PPP6R3: variants seen among roughly 807,000 people sequenced by gnomAD.
PPP6R3 encodes the protein protein phosphatase 6 regulatory subunit 3.
In PPP6R3, 38 loss-of-function variants were observed where a neutral mutation model predicts 110.7. That is an observed-to-expected ratio of 0.34 (90% CI 0.26 to 0.45). PPP6R3 has a LOEUF of 0.45. PPP6R3 is among the 20% of genes least tolerant of loss of function. The probability of loss-of-function intolerance (pLI) is 1.00; values close to 1 mark genes in which losing one functional copy is unlikely to be tolerated. For missense variants in PPP6R3, 870 were observed against 1,062.4 expected (o/e 0.82, Z 2.52); for synonymous variants, 369 against 373.5 (o/e 0.99, Z 0.14).
At chr11:68,602,125 C>T (rs2099633764) in intron 21 of PPP6R3, among the ~76,000 whole-genome samples, 156 bp downstream of exon 21, 1 of 152,190 alleles carries the variant, frequency 6.6e-6, no homozygotes, top group African/African-American at 2.4e-5. Context: ...GCCTGTCCTT[C>T]TAGAACCACA....
In PPP6R3 at chr11:68,520,834, C is replaced by T. The variant is rs535186833; in HGVS notation, c.-7+1183C>T. On this transcript the variant is annotated intron_variant, in intron 2 of 23. Transcript: ENST00000393800. ...TTGCCCAGGCCAGAGTGTAGTGGTG[C>T]GATCTCGGCTGACTGCAATCTCCAC... 7.2e-5 allele frequency among the ~76,000 whole-genome samples: 11 copies of T among 152,172 alleles called. No homozygotes were observed. The East Asian group carries it at 1.2e-3, about 16-fold the overall frequency.
rs2099077910 is a variant in PPP6R3 at position 68,506,438 on chromosome 11, A to T, written c.-157-13063A>T. ...TCAAAAAAAAAAAAAAAAAAAAAAA[A>T]AAAAAAAAAATTCCTAACTGTAAAT... On this transcript the variant is annotated intron_variant, in intron 1 of 23. Transcript: ENST00000393800. Among the ~76,000 whole-genome samples the T allele has an allele frequency of 2.7e-5, 4 of 147,060 alleles. No homozygotes were observed. The South Asian group carries it at 8.4e-4, about 31-fold the overall frequency.
intron 1 of PPP6R3, among the ~76,000 whole-genome samples, chr11:68,487,893 A>T (rs905858742): frequency 6.6e-6 from 1 of 152,144 alleles, no homozygotes; most frequent in African/African-American, 2.4e-5. Context: ...TGATGGTGCT[A>T]TTGAGTTCCA....
chr11:68,582,337 G>C (rs1453473924), intron 14 of PPP6R3, among the ~76,000 whole-genome samples: 6 of 152,204 alleles, frequency 3.9e-5, no homozygotes, highest in African/African-American at 1.4e-4. Flanking sequence ...AATTGTTAAT[G>C]CTTCCCCCAA....
At chr11:68,596,459 T>G (rs1335919759) in intron 19 of PPP6R3, among the ~76,000 whole-genome samples, 1 of 152,184 alleles carries the variant, frequency 6.6e-6, no homozygotes, top group Non-Finnish European at 1.5e-5. Flanking sequence ...ACGTCAGCTG[T>G]GTGGGTCTGG....
chr11:68,526,982 A>G (rs1026512429), intron 2 of PPP6R3, among the ~76,000 whole-genome samples: 3 of 152,234 alleles, frequency 2.0e-5, no homozygotes, highest in African/African-American at 7.2e-5. Context: ...ATAAGGTTGT[A>G]CATCTTGTCT....
intron 1 of PPP6R3, among the ~76,000 whole-genome samples, chr11:68,461,088 C>T (rs1251340397): frequency 6.6e-6 from 1 of 151,152 alleles, no homozygotes; most frequent in East Asian, 2.0e-4. Flanking sequence ...GTCGGGGCGG[C>T]GACTTTGTGC....
chr11:68,588,328 G>A (rs993827845), intron 16 of PPP6R3, among the ~76,000 whole-genome samples: 4 of 151,882 alleles, frequency 2.6e-5, no homozygotes, highest in African/African-American at 9.7e-5. Flanking sequence ...GTGAAACCCC[G>A]TCTCTACCAA....
At chr11:68,576,670 T>TG in intron 14 of PPP6R3, among the ~76,000 whole-genome samples, 1 of 152,322 alleles carries the variant, frequency 6.6e-6, no homozygotes, top group African/African-American at 2.4e-5. Context: ...CTTTTAAAGA[T>TG]GGGGAAAGCA....
At chr11:68,490,848 CTTG>C (rs2098979653) in intron 1 of PPP6R3, among the ~76,000 whole-genome samples, 1 of 152,088 alleles carries the variant, frequency 6.6e-6, no homozygotes, top group Non-Finnish European at 1.5e-5. Context: ...TCTGTTCTTG[CTTG>C]TTGTCTGCCT....
chr11:68,595,919 G>C (rs1026477072), intron 18 of PPP6R3, among the ~76,000 whole-genome samples, 178 bp from the exon 19 acceptor site: 2 of 152,184 alleles, frequency 1.3e-5, no homozygotes, highest in Non-Finnish European at 2.9e-5. Flanking sequence ...GTGTGAGGTT[G>C]GGCAGCACGC....
chr11:68,613,294 A>G lies in PPP6R3; in HGVS notation c.*177A>G. ...ATTGTACAGAGAAATTCAGAAGTGTAAAAATATTGCACATTGACAAATACC... is the reference window on the plus strand; with the variant it reads ...ATTGTACAGAGAAATTCAGAAGTGTGAAAATATTGCACATTGACAAATACC... On this transcript the variant is annotated 3_prime_UTR_variant, in exon 24 of 24. Transcript: ENST00000393800. The G allele has an allele frequency of 1.5e-6, 2 of 1,349,924 alleles. No homozygotes were observed. Among genetic ancestry groups the G allele is most frequent in the South Asian group, 2.0e-5 (1 of 50,656 alleles). 83.6% of individuals were successfully genotyped at this position (1,349,924 alleles called of 1,614,324 possible). A position where few individuals can be genotyped will look rare whatever the true frequency, so the allele number is the denominator to read the frequency against.
chr11:68,515,994 T>C (rs1384235245), intron 1 of PPP6R3, among the ~76,000 whole-genome samples: 2 of 152,226 alleles, frequency 1.3e-5, no homozygotes, highest in African/African-American at 4.8e-5. Flanking sequence ...GTCCTCCATC[T>C]CCTGTTCTGC....
At chr11:68,568,556 AC>A (rs2099488665) in intron 10 of PPP6R3, among the ~76,000 whole-genome samples, 1 of 151,700 alleles carries the variant, frequency 6.6e-6, no homozygotes, top group South Asian at 2.1e-4. Context: ...TAATTTGAAA[AC>A]CCTTGTACTT....
At chr11:68,534,739 TG>T (rs1237204999) in intron 2 of PPP6R3, among the ~76,000 whole-genome samples, 18 of 152,218 alleles carry the variant, frequency 1.2e-4, no homozygotes, top group Non-Finnish European at 2.2e-4. Context: ...ATACTAAGTG[TG>T]GGGAAGAGTA....
intron 1 of PPP6R3, among the ~76,000 whole-genome samples, chr11:68,495,756 C>T (rs1404569382): frequency 6.6e-6 from 1 of 152,096 alleles, no homozygotes; most frequent in Non-Finnish European, 1.5e-5. Context: ...TTGGATGTTT[C>T]TGAGTTTTGG....
chr11:68,463,030 A>G (rs984601191), intron 1 of PPP6R3, among the ~76,000 whole-genome samples: 4 of 152,242 alleles, frequency 2.6e-5, no homozygotes, highest in African/African-American at 9.6e-5. Flanking sequence ...ATAGCTGAGC[A>G]GAAAATGAAT....
chr11:68,592,740 A>G (rs1456588891), intron 18 of PPP6R3, among the ~76,000 whole-genome samples: 1 of 152,302 alleles, frequency 6.6e-6, no homozygotes, highest in East Asian at 1.9e-4. Flanking sequence ...AAAGAAAAAT[A>G]CCTTCATGGC....
In PPP6R3 at chr11:68,549,507, T is replaced by A. The variant is rs2099362563; in HGVS notation, c.552+1303T>A. Among the ~76,000 whole-genome samples the A allele has an allele frequency of 3.3e-5, 5 of 152,258 alleles. No individual in the cohort carries two copies. The South Asian group carries it at 1.0e-3, about 32-fold the overall frequency. On this transcript the variant is annotated intron_variant, in intron 5 of 23. Coordinates refer to ENST00000393800, the MANE Select transcript of PPP6R3 (RefSeq NM_001164161.2). ...CTGTGAGTAAACAGCTGGGTGTATC[T>A]AGTGGGTGTCCTGGGACTTGTCTGT...
Sources: allele counts gnomAD v4.1 joint callset (sites outside exome capture counted in the v4.1 genomes callset), GRCh38; gene constraint gnomAD v4.1.1; transcripts MANE v1.5; gene names NCBI Gene and HGNC (gene_info 2026-07-23, HGNC 2026-07-21).